BMPR1B: variants seen among roughly 807,000 people sequenced by gnomAD.
The protein encoded by BMPR1B is bone morphogenetic protein receptor type-1B.
Under a neutral mutation model 59.1 loss-of-function variants are expected in BMPR1B, and 12 were observed. That is an observed-to-expected ratio of 0.20 (90% CI 0.13 to 0.33). The LOEUF (loss-of-function observed/expected upper bound fraction) is 0.33, where lower values mean the gene tolerates loss of function less well. Among genes scored for constraint, BMPR1B ranks in the 10% least tolerant of loss-of-function variants. The pLI is 1.00. For synonymous variants in BMPR1B, 237 were observed against 207.3 expected (o/e 1.14, Z -1.23); for missense variants, 550 against 610.9 (o/e 0.90, Z 1.05).
At chr4:94,881,767 A>G (rs1474151967) in intron 2 of BMPR1B, among the ~76,000 whole-genome samples, 1 of 152,042 alleles carries the variant, frequency 6.6e-6, no homozygotes, top group Non-Finnish European at 1.5e-5. Flanking sequence ...ACCTGGCCTA[A>G]TATTTCGACC....
chr4:94,802,231 G>A (rs1723434898), intron 1 of BMPR1B, among the ~76,000 whole-genome samples: 1 of 152,126 alleles, frequency 6.6e-6, no homozygotes, highest in South Asian at 2.1e-4. Flanking sequence ...TGAAATCTAA[G>A]CACTTGTGTT....
At chr4:94,799,565 G>T (rs1240823540) in intron 1 of BMPR1B, among the ~76,000 whole-genome samples, 5 of 151,894 alleles carry the variant, frequency 3.3e-5, no homozygotes, top group African/African-American at 1.2e-4. Flanking sequence ...GCCTCCCAAA[G>T]TGCTGGGATT....
chr4:94,859,898 T>C (rs988310314), intron 1 of BMPR1B, among the ~76,000 whole-genome samples: 8 of 152,082 alleles, frequency 5.3e-5, no homozygotes, highest in African/African-American at 1.4e-4. Context: ...TTTATCCAGT[T>C]AAAAAAAATC....
chr4:94,922,917 G>A (rs187894671), intron 2 of BMPR1B, among the ~76,000 whole-genome samples: 25 of 152,064 alleles, frequency 1.6e-4, no homozygotes, highest in African/African-American at 6.0e-4. Flanking sequence ...TCTTCTCTAG[G>A]TTGTACTAAA....
chr4:94,785,471 A>C (rs960272457), intron 1 of BMPR1B, among the ~76,000 whole-genome samples: 13 of 152,210 alleles, frequency 8.5e-5, no homozygotes, highest in African/African-American at 3.1e-4. Context: ...ATAATTTTGC[A>C]TAAGATATGG....
chr4:95,053,246 G>C (rs185806308), intron 3 of BMPR1B, among the ~76,000 whole-genome samples: 1 of 148,816 alleles, frequency 6.7e-6, no homozygotes, highest in Non-Finnish European at 1.5e-5. Flanking sequence ...TATAGGTGTA[G>C]GGAACCTTTT....
chr4:95,083,970 A>G (rs1053337103), intron 3 of BMPR1B, among the ~76,000 whole-genome samples: 1 of 152,224 alleles, frequency 6.6e-6, no homozygotes, highest in East Asian at 1.9e-4. Context: ...GAAATTCACA[A>G]CTATTCACTT....
intron 2 of BMPR1B, among the ~76,000 whole-genome samples, chr4:94,908,944 T>G (rs1728172039): frequency 6.6e-6 from 1 of 152,196 alleles, no homozygotes; most frequent in Admixed American, 6.6e-5. Flanking sequence ...CTCACCATTC[T>G]GAAGACCAGA....
intron 3 of BMPR1B, among the ~76,000 whole-genome samples, chr4:95,098,215 C>T (rs1730568768): frequency 6.6e-6 from 1 of 152,118 alleles, no homozygotes; most frequent in Admixed American, 6.5e-5. Flanking sequence ...ATTATGAATA[C>T]ATGTCATTTG....
chr4:95,083,335 A>G (rs1729318623), intron 3 of BMPR1B, among the ~76,000 whole-genome samples: 1 of 152,198 alleles, frequency 6.6e-6, no homozygotes, highest in African/African-American at 2.4e-5. Flanking sequence ...CAGATTATAA[A>G]GACACAGAAA....
intron 2 of BMPR1B, among the ~76,000 whole-genome samples, chr4:94,941,886 CCGTCT>C (rs1220018734): frequency 6.6e-6 from 1 of 152,210 alleles, no homozygotes; most frequent in African/African-American, 2.4e-5. Context: ...CATCACTCAT[CCGTCT>C]CCAACAGGTG....
chr4:95,117,147 G>A (rs1025096515), intron 6 of BMPR1B, among the ~76,000 whole-genome samples: 1 of 152,294 alleles, frequency 6.6e-6, no homozygotes, highest in East Asian at 1.9e-4. Context: ...ATGAAGAGGA[G>A]TGTGCTAAGT....
chr4:95,116,220 G>GT (rs1242095103), intron 6 of BMPR1B, among the ~76,000 whole-genome samples: 1 of 151,962 alleles, frequency 6.6e-6, no homozygotes, highest in Non-Finnish European at 1.5e-5. Context: ...TTATGCTAGA[G>GT]TAACACCTTT....
intron 2 of BMPR1B, among the ~76,000 whole-genome samples, chr4:94,966,954 C>T (rs369841357): frequency 4.6e-5 from 7 of 152,018 alleles, no homozygotes; most frequent in African/African-American, 1.7e-4. Context: ...AAGAGAGAGA[C>T]GGTCCTTGGG....
chr4:94,897,272 C>CT (rs1727623343), intron 2 of BMPR1B, among the ~76,000 whole-genome samples: 1 of 152,052 alleles, frequency 6.6e-6, no homozygotes, highest in South Asian at 2.1e-4. Flanking sequence ...ACTCCGAAAC[C>CT]TTTTGTGCCT....
chr4:94,765,634 A>G (rs1413451699), intron 1 of BMPR1B, among the ~76,000 whole-genome samples: 1 of 152,190 alleles, frequency 6.6e-6, no homozygotes, highest in Non-Finnish European at 1.5e-5. Flanking sequence ...TAATAATTAC[A>G]TTCTAGAATT....
In BMPR1B at chr4:94,895,049, C is replaced by T. The variant is rs185223007; in HGVS notation, c.-113+19149C>T. On this transcript the variant is annotated intron_variant, in intron 2 of 12. Coordinates refer to ENST00000515059, the MANE Select transcript of BMPR1B (RefSeq NM_001203.3). ...AAGAAAATAGTTAATATTAATGTCTCTTAAGTTCTTCAATGCATCTTCACG... is the reference window on the plus strand; with the variant it reads ...AAGAAAATAGTTAATATTAATGTCTTTTAAGTTCTTCAATGCATCTTCACG... Among the ~76,000 whole-genome samples the T allele has an allele frequency of 7.4e-3, 1,124 of 151,888 alleles. 17 individuals are homozygous for T. Among genetic ancestry groups the T allele is most frequent in the African/African-American group, 0.026 (1,077 of 41,484 alleles).
At chr4:95,090,998 A>G (rs968485366) in intron 3 of BMPR1B, among the ~76,000 whole-genome samples, 2 of 152,142 alleles carry the variant, frequency 1.3e-5, no homozygotes, top group Non-Finnish European at 2.9e-5. Context: ...TTAATGAAAG[A>G]TTTCTAAATG....
intron 1 of BMPR1B, among the ~76,000 whole-genome samples, chr4:94,808,467 G>C (rs1723692103): frequency 6.6e-6 from 1 of 152,160 alleles, no homozygotes; most frequent in Admixed American, 6.6e-5. Flanking sequence ...CTCCCACACT[G>C]TGAGATGTTT....
Sources: allele counts gnomAD v4.1 joint callset (sites outside exome capture counted in the v4.1 genomes callset), GRCh38; gene constraint gnomAD v4.1.1; transcripts MANE v1.5; gene names NCBI Gene and HGNC (gene_info 2026-07-23, HGNC 2026-07-21).